Variants in RP1 observed in about 807,000 individuals in gnomAD.
RP1 encodes RP1 axonemal microtubule associated.
Under a neutral mutation model 14.8 loss-of-function variants are expected in RP1, and 16 were observed. The ratio of observed to expected loss-of-function variants is 1.08; its 90% confidence interval spans 0.73 to 1.65. The LOEUF (loss-of-function observed/expected upper bound fraction) is 1.65, where lower values mean the gene tolerates loss of function less well. Ranked by LOEUF, RP1 falls within the 40% of genes most tolerant of loss-of-function variation. The pLI is 0.00. For missense variants in RP1, 2,631 were observed against 2,535.0 expected, an observed-to-expected ratio of 1.04 and a Z score of -0.81; for synonymous variants, 876 against 883.6, an observed-to-expected ratio of 0.99 and a Z score of 0.15.
downstream of RP1, among the ~76,000 whole-genome samples, chr8:54,631,222 C>T (rs1806240573): frequency 6.6e-6 from 1 of 152,048 alleles, no homozygotes; most frequent in African/African-American, 2.4e-5. Context: ...GTCATAAATT[C>T]ATAAAAATTA....
exon 12 of RP1, chr8:54,679,903 G>T (rs1269383993): frequency 1.3e-6 from 2 of 1,536,000 alleles, no homozygotes; most frequent in Non-Finnish European, 1.7e-6. Flanking sequence ...TGGCACAGTT[G>T]ACGCCATTGG....
chr8:54,628,226 A>G lies in RP1; in HGVS notation c.4344A>G (p.Pro1448=). 6.2e-7 allele frequency: 1 copy of G among 1,614,034 alleles called. No homozygotes were observed. Among genetic ancestry groups the G allele is most frequent in the Non-Finnish European group, 8.5e-7 (1 of 1,179,928 alleles). ...AAGAACCACGGACTTCTGAAGAACC[A>G]GGCTCAATAACCAACAGCATGACAT... ...DMEEPRTSEE[P]GSITNSMTSS... is the part of the protein sequence containing the mutation. Residue 1448 remains proline, a synonymous_variant, in exon 4 of 4, where the codon CCA becomes CCG. Coordinates refer to ENST00000220676, the MANE Select transcript of RP1 (RefSeq NM_006269.2).
chr8:54,869,038 G>A (rs972811042), intron 28 of RP1, among the ~76,000 whole-genome samples: 3 of 152,118 alleles, frequency 2.0e-5, no homozygotes, highest in African/African-American at 7.2e-5. Context: ...GGTAAAGCCA[G>A]AACTGCACAC....
intron 22 of RP1, among the ~76,000 whole-genome samples, chr8:54,764,888 T>C (rs955595517): frequency 2.0e-5 from 3 of 152,020 alleles, no homozygotes; most frequent in African/African-American, 7.2e-5. Context: ...AGAGTAATTC[T>C]TAGAATTAGC....
intron 1 of RP1, chr8:54,560,811 G>T (rs1804269771): frequency 6.6e-6 from 1 of 151,840 alleles, no homozygotes; most frequent in African/African-American, 2.4e-5. Flanking sequence ...CCTAGAGCTT[G>T]TCATCCAAGC....
chr8:54,812,240 A>G (rs1811016050), intron 24 of RP1, among the ~76,000 whole-genome samples: 1 of 152,190 alleles, frequency 6.6e-6, no homozygotes, highest in Non-Finnish European at 1.5e-5. Context: ...TCCCAGACTC[A>G]AGCGATTCTT....
intron 19 of RP1, among the ~76,000 whole-genome samples, chr8:54,751,367 T>C (rs2129364918): frequency 6.6e-6 from 1 of 152,308 alleles, no homozygotes; most frequent in South Asian, 2.1e-4. Context: ...TGAGCTGCCA[T>C]GTTTGTGATG....
At chr8:54,865,452 T>C (rs1812436543) in intron 27 of RP1, among the ~76,000 whole-genome samples, 1 of 152,088 alleles carries the variant, frequency 6.6e-6, no homozygotes, top group African/African-American at 2.4e-5. Flanking sequence ...TTCTAAATTT[T>C]CACTATTAAG....
chr8:54,569,811 T>C (rs1804482289), intron 1 of RP1, among the ~76,000 whole-genome samples: 1 of 152,166 alleles, frequency 6.6e-6, no homozygotes, highest in South Asian at 2.1e-4. Context: ...AAACTATTAC[T>C]ACATCATCAC....
At chr8:54,612,671 C>A (rs1805625226), upstream of RP1, among the ~76,000 whole-genome samples, 1 of 152,142 alleles carries the variant, frequency 6.6e-6, no homozygotes, top group African/African-American at 2.4e-5. Context: ...TCCTTGGTTT[C>A]TCATCTCACT....
At chr8:54,645,586 G>C (rs989803513) in intron 3 of RP1, among the ~76,000 whole-genome samples, 7 of 152,092 alleles carry the variant, frequency 4.6e-5, no homozygotes, top group Non-Finnish European at 7.4e-5. Context: ...GATTATAGTT[G>C]ATGTGGTTTT....
chr8:54,740,866 G>A (rs570752077), intron 19 of RP1, among the ~76,000 whole-genome samples: 1 of 151,930 alleles, frequency 6.6e-6, no homozygotes, highest in African/African-American at 2.4e-5. Context: ...CTAACATGGT[G>A]AAACCCCATC....
At chr8:54,699,388 A>C (rs1206663808) in intron 12 of RP1, 1 of 500,958 alleles carries the variant, frequency 2.0e-6, no homozygotes, top group Non-Finnish European at 3.2e-6. Flanking sequence ...ATATATTATT[A>C]AGAGATTTCA....
Position 54,729,339 on chromosome 8 carries a change from C to A in RP1, c.2521+2863C>A, listed in dbSNP as rs1808736451. On this transcript the variant is annotated intron_variant, in intron 17 of 22. Coordinates refer to the RP1 transcript ENST00000636932. Reference sequence around the variant, plus strand: ...TGGCATGTTCTACAGTGTTGCCAGGCAAATCCTAATCTGTGCCAAAGTCTC... The same window carrying A: ...TGGCATGTTCTACAGTGTTGCCAGGAAAATCCTAATCTGTGCCAAAGTCTC... Among the ~76,000 whole-genome samples the A allele has an allele frequency of 2.0e-5, 3 of 152,284 alleles. No homozygotes were observed. In the South Asian group the frequency reaches 6.2e-4, roughly 32 times the overall value.
At chr8:54,786,299 A>G (rs947486814) in intron 24 of RP1, among the ~76,000 whole-genome samples, 4 of 152,020 alleles carry the variant, frequency 2.6e-5, no homozygotes, top group Non-Finnish European at 5.9e-5. Context: ...CCACTTCTTT[A>G]TGGCCTTTAT....
At chr8:54,828,638 T>G (rs1276507245) in intron 24 of RP1, among the ~76,000 whole-genome samples, 1 of 152,132 alleles carries the variant, frequency 6.6e-6, no homozygotes, top group Non-Finnish European at 1.5e-5. Context: ...CAGGTATTCC[T>G]TTATAACAAC....
intron 19 of RP1, among the ~76,000 whole-genome samples, chr8:54,740,952 C>T (rs1809068681): frequency 6.6e-6 from 1 of 151,422 alleles, no homozygotes; most frequent in Non-Finnish European, 1.5e-5. Context: ...AGGAGAATCG[C>T]TTGAACCCCA....
At chr8:54,719,355 G>A (rs1180023518) in intron 15 of RP1, among the ~76,000 whole-genome samples, 2 of 152,188 alleles carry the variant, frequency 1.3e-5, no homozygotes, top group African/African-American at 4.8e-5. Flanking sequence ...GAGAGAGAAA[G>A]AGAGAGAGAC....
intron 6 of RP1, among the ~76,000 whole-genome samples, chr8:54,658,290 G>T (rs1226521746): frequency 6.7e-6 from 1 of 149,804 alleles, no homozygotes; most frequent in Non-Finnish European, 1.5e-5. Context: ...GGTGGCTCAC[G>T]CCTGTAATCC....
Sources: gnomAD v4.1 joint callset for allele counts (sites outside exome capture counted in the v4.1 genomes callset) on GRCh38, gnomAD v4.1.1 for gene constraint, MANE v1.5 for transcripts, NCBI Gene and HGNC (gene_info 2026-07-23, HGNC 2026-07-21) for gene names.